PLEKHA4: variants seen among roughly 807,000 people sequenced by gnomAD.
The protein encoded by PLEKHA4 is pleckstrin homology domain-containing family A member 4.
PLEKHA4 carries 73 observed loss-of-function variants against 94.7 expected under a neutral mutation model. The observed-to-expected ratio is 0.77, with a 90% confidence interval of 0.64 to 0.94. The LOEUF is 0.94. PLEKHA4 is among the 40% of genes least tolerant of loss of function. PLEKHA4 has a pLI of 0.00. For synonymous variants in PLEKHA4, 449 were observed against 437.1 expected (o/e 1.03, Z -0.34); for missense variants, 1,049 against 1,054.1 (o/e 1.00, Z 0.07).
chr19:48,862,807 C>T (rs1459772056), intron 3 of PLEKHA4, among the ~76,000 whole-genome samples: 2 of 152,226 alleles, frequency 1.3e-5, no homozygotes, highest in African/African-American at 2.4e-5. Context: ...GCCACCGCAC[C>T]CAGCCCCCAC....
intron 11 of PLEKHA4, 40 bp downstream of exon 11, chr19:48,853,967 G>A: frequency 6.2e-7 from 1 of 1,612,142 alleles, no homozygotes; most frequent in Non-Finnish European, 8.5e-7. Flanking sequence ...AGGGCAGGCA[G>A]AGAGGCCAGG....
chr19:48,846,238 G>C (rs2035965839), intron 14 of PLEKHA4, among the ~76,000 whole-genome samples: 1 of 151,658 alleles, frequency 6.6e-6, no homozygotes, highest in South Asian at 2.1e-4. Context: ...CGGATCACAA[G>C]GTCAGGAGAC....
At chr19:48,846,622 G>A (rs140683973) in intron 14 of PLEKHA4, among the ~76,000 whole-genome samples, 2 of 152,148 alleles carry the variant, frequency 1.3e-5, no homozygotes, top group Non-Finnish European at 2.9e-5. Flanking sequence ...TAAAGAATTC[G>A]CCGGGCATGG....
intron 9 of PLEKHA4, among the ~76,000 whole-genome samples, chr19:48,856,583 T>C (rs1434278583): frequency 6.6e-6 from 1 of 151,830 alleles, no homozygotes; most frequent in Non-Finnish European, 1.5e-5. Flanking sequence ...CCAGGCATGG[T>C]GGCACGTGCC....
In PLEKHA4 at chr19:48,859,662, G is replaced by T. The variant is rs769461225; in HGVS notation, c.499C>A (p.Arg167=). 1.2e-6 allele frequency: 2 copies of T among 1,611,902 alleles called. No individual in the cohort carries two copies. Among genetic ancestry groups the T allele is most frequent in the Non-Finnish European group, 1.7e-6 (2 of 1,179,950 alleles). The stretch of plus-strand genomic sequence containing the variant: ...CCGGGGCCCTCCCCGGGCTGGGGTC[G>T]TGCAGGTGACCTGGGTTGCCCACTA... The part of the protein sequence containing the change: ...DDYGQPRSPA[R]PQPGEGPGGP... Residue 167 remains arginine, a synonymous_variant, in exon 7 of 20, where the codon CGA becomes AGA. Transcript: ENST00000263265.
intron 16 of PLEKHA4, among the ~76,000 whole-genome samples, chr19:48,842,782 C>T (rs1335847976): frequency 6.6e-6 from 1 of 152,202 alleles, no homozygotes; most frequent in Non-Finnish European, 1.5e-5. Context: ...GTGCAGTGGT[C>T]CTCACCCTCA....
chr19:48,860,664 G>A (rs891528227), intron 5 of PLEKHA4, among the ~76,000 whole-genome samples: 5 of 151,872 alleles, frequency 3.3e-5, no homozygotes, highest in Middle Eastern at 3.2e-3. Context: ...AAAATTAGCC[G>A]GACGTGGTGG....
intron 3 of PLEKHA4, among the ~76,000 whole-genome samples, chr19:48,863,851 C>T (rs145198941): frequency 0.014 from 2,083 of 152,220 alleles, 38 homozygotes; most frequent in African/African-American, 0.047. Context: ...GGATTACAGG[C>T]GTCAGCCATC....
chr19:48,841,689 G>A (rs771690314), intron 16 of PLEKHA4, among the ~76,000 whole-genome samples: 10 of 151,830 alleles, frequency 6.6e-5, no homozygotes, highest in Non-Finnish European at 1.3e-4. Flanking sequence ...GTGCAGTGGT[G>A]GGTGACTGTA....
intron 16 of PLEKHA4, among the ~76,000 whole-genome samples, chr19:48,843,947 T>C (rs10414582): frequency 0.13 from 19,610 of 150,604 alleles, 1,508 homozygotes; most frequent in South Asian, 0.21. Context: ...TGTGAGCCAC[T>C]GCACCTGGCC....
chr19:48,852,457 C>T, intron 12 of PLEKHA4, 131 bp from the exon 13 acceptor site: 1 of 664,492 alleles, frequency 1.5e-6, no homozygotes, highest in South Asian at 1.9e-5. Context: ...GTATGGACTA[C>T]AATTCCCATG....
In PLEKHA4 at chr19:48,839,199, C is replaced by T; in HGVS notation, c.1964+6G>A. On this transcript the variant is annotated splice_donor_region_variant and intron_variant, in intron 18 of 19. Coordinates refer to ENST00000263265, the MANE Select transcript of PLEKHA4 (RefSeq NM_020904.3). ...TGCTCCCTTGATACGCCCTCCAGTT[C>T]CTTACCTACTCCAGGACCCAGAGCT... 6.3e-7 allele frequency: 1 copy of T among 1,583,362 alleles called. No homozygotes were observed. Among genetic ancestry groups the T allele is most frequent in the Non-Finnish European group, 8.6e-7 (1 of 1,162,666 alleles).
intron 11 of PLEKHA4, 65 bp from the exon 12 acceptor site, chr19:48,853,896 A>T: frequency 6.3e-7 from 1 of 1,589,316 alleles, no homozygotes. Flanking sequence ...GAAAGAAAAG[A>T]TGTCCTTTCA....
At position 48,844,444 on chromosome 19, in the gene PLEKHA4, G is replaced by A. The variant is rs113599952; in HGVS notation, c.1743+926C>T. ...TGCTGGGATTACAGGTACGAGCCACGGTTCCCAGCCCCAAGAAGTGCTTTT... is the reference window on the plus strand; with the variant it reads ...TGCTGGGATTACAGGTACGAGCCACAGTTCCCAGCCCCAAGAAGTGCTTTT... On this transcript the variant is annotated intron_variant, in intron 16 of 19. Coordinates refer to ENST00000263265, the MANE Select transcript of PLEKHA4 (RefSeq NM_020904.3). 1.0e-3 allele frequency: 1,033 copies of A among 984,878 alleles called. 5 individuals are homozygous for A. The African/African-American group carries it at 0.016, about 15-fold the overall frequency. 61.0% of individuals were successfully genotyped at this position (984,878 alleles called of 1,614,324 possible).
intron 2 of PLEKHA4, among the ~76,000 whole-genome samples, chr19:48,865,841 C>T (rs970286113): frequency 7.2e-5 from 11 of 151,760 alleles, no homozygotes; most frequent in Admixed American, 5.3e-4. Context: ...GGTGAAACCC[C>T]GTCTCTACTA....
chr19:48,867,416 A>C lies in PLEKHA4; in HGVS notation c.84+121T>G. On this transcript the variant is annotated intron_variant, in intron 2 of 19. Coordinates refer to ENST00000263265, the MANE Select transcript of PLEKHA4 (RefSeq NM_020904.3). The surrounding 1 kb of genome is among the most constrained non-coding windows in gnomAD (Gnocchi z 4.7). Reference sequence around the variant, plus strand: ...TGTGTAGGCAATTTGGGACCTTACTATGTCTGGCAGACCCCGTTGCTAAGG... The same window carrying C: ...TGTGTAGGCAATTTGGGACCTTACTCTGTCTGGCAGACCCCGTTGCTAAGG... 8.7e-7 allele frequency: 1 copy of C among 1,153,366 alleles called. No individual in the cohort carries two copies. The highest frequency in any genetic ancestry group is 1.2e-6 in the Non-Finnish European group (1 of 818,350). 71.4% of individuals were successfully genotyped at this position (1,153,366 alleles called of 1,614,324 possible).
intron 2 of PLEKHA4, among the ~76,000 whole-genome samples, chr19:48,866,112 C>T (rs1235832743): frequency 1.4e-5 from 2 of 147,756 alleles, no homozygotes; most frequent in Non-Finnish European, 3.0e-5. Context: ...TTAAGAGACT[C>T]TTTTTTTTTT....
chr19:48,851,598 A>G (rs1352768134), intron 13 of PLEKHA4, among the ~76,000 whole-genome samples: 1 of 151,986 alleles, frequency 6.6e-6, no homozygotes, highest in Admixed American at 6.6e-5. Flanking sequence ...CCCGGGCAAC[A>G]AGAGTAAAAC....
intron 9 of PLEKHA4, among the ~76,000 whole-genome samples, chr19:48,856,856 A>G (rs2036432987): frequency 1.4e-5 from 2 of 139,542 alleles, no homozygotes; most frequent in South Asian, 4.8e-4. Flanking sequence ...CCGAGATCGC[A>G]CCACTGCACT....
Sources: gnomAD v4.1 joint callset for allele counts (sites outside exome capture counted in the v4.1 genomes callset) on GRCh38, gnomAD v4.1.1 for gene constraint, Gnocchi (gnomAD v3.1) non-coding constraint, MANE v1.5 for transcripts, NCBI Gene and HGNC (gene_info 2026-07-23, HGNC 2026-07-21) for gene names.